Variants in MYH11 observed in about 807,000 individuals in gnomAD.
MYH11 encodes the protein myosin-11.
In MYH11, 80 loss-of-function variants were observed where a neutral mutation model predicts 246.6. That is an observed-to-expected ratio of 0.32 (90% CI 0.27 to 0.39). MYH11 has a LOEUF of 0.39. Among genes scored for constraint, MYH11 ranks in the 10% least tolerant of loss-of-function variants. The pLI is 1.00. For missense variants in MYH11, 2,158 were observed against 2,546.8 expected (o/e 0.85, Z 3.29); for synonymous variants, 1,071 against 1,015.5 (o/e 1.05, Z -1.04).
chr16:15,716,632 C>T (rs940766240), intron 38 of MYH11, among the ~76,000 whole-genome samples: 10 of 152,324 alleles, frequency 6.6e-5, no homozygotes, highest in African/African-American at 2.2e-4. Context: ...AGTGATTCTC[C>T]TGCCTCAGTC....
chr16:15,714,608 A>T, intron 40 of MYH11: 1 of 529,468 alleles, frequency 1.9e-6, no homozygotes, highest in East Asian at 3.3e-5. Context: ...GCAATGAAGG[A>T]GGGGCTGGAG....
rs557397345 is a variant in MYH11, at chr16:15,819,454, T to C, written c.502+3801A>G. 9.2e-5 allele frequency among the ~76,000 whole-genome samples: 14 copies of C among 152,284 alleles called. No homozygotes were observed. The South Asian group carries it at 2.9e-3, about 32-fold the overall frequency. ...CTATCACTCCAATTACTGCCTGAGC[T>C]CTGCTTCCTCTCAGATCAGAGGCGG... is the stretch of plus-strand genomic sequence containing the variant. On this transcript the variant is annotated intron_variant, in intron 3 of 40. Transcript: ENST00000300036.
intron 8 of MYH11, 137 bp from the exon 9 acceptor site, chr16:15,771,849 G>T (rs944770378): frequency 2.7e-6 from 3 of 1,108,382 alleles, no homozygotes; most frequent in Non-Finnish European, 4.0e-6. Context: ...AAGCCCTCAC[G>T]CATCGTCACG....
chr16:15,746,431 A>G (rs2041419905), intron 19 of MYH11, among the ~76,000 whole-genome samples: 1 of 152,190 alleles, frequency 6.6e-6, no homozygotes, highest in Non-Finnish European at 1.5e-5. Flanking sequence ...GGACAGCAAC[A>G]GGGAACTTAG....
At chr16:15,855,989 G>A (rs775407661) in intron 1 of MYH11, among the ~76,000 whole-genome samples, 24 of 152,084 alleles carry the variant, frequency 1.6e-4, no homozygotes, top group Non-Finnish European at 3.4e-4. Flanking sequence ...TTCTCAAGTG[G>A]CAAAATCCCT....
chr16:15,746,574 T>C (rs558404543), intron 19 of MYH11, among the ~76,000 whole-genome samples: 2 of 152,182 alleles, frequency 1.3e-5, no homozygotes, highest in South Asian at 4.2e-4. Context: ...GTGTGGTCTC[T>C]GCCCAATGAC....
chr16:15,855,193 G>A (rs1419892789), intron 1 of MYH11, among the ~76,000 whole-genome samples: 3 of 152,178 alleles, frequency 2.0e-5, no homozygotes, highest in East Asian at 1.9e-4. Flanking sequence ...CAAGCCTGGC[G>A]GCTTCTCGGA....
chr16:15,737,487 C>T lies in MYH11; in HGVS notation c.3255G>A (p.Leu1085=), dbSNP rs768298662. Residue 1085 remains leucine, a synonymous_variant, in exon 25 of 41, where the codon CTG becomes CTA. Coordinates refer to ENST00000300036, the MANE Select transcript of MYH11 (RefSeq NM_002474.3). The part of the protein sequence containing the change: ...QAQIAELKMQ[L]AKKEEELQAA... Reference sequence around the variant, plus strand: ...CCTGCAGCTCCTCCTCCTTCTTGGCCAGCTGCATCTTGAGCTCTGCGATCT... The same window carrying T: ...CCTGCAGCTCCTCCTCCTTCTTGGCTAGCTGCATCTTGAGCTCTGCGATCT... The T allele has an allele frequency of 8.1e-6, 13 of 1,613,716 alleles. No homozygotes were observed. In the Admixed American group the frequency reaches 8.3e-5, roughly 10 times the overall value.
chr16:15,767,987 A>G (rs1239067506), intron 9 of MYH11, among the ~76,000 whole-genome samples: 1 of 151,876 alleles, frequency 6.6e-6, no homozygotes, highest in Non-Finnish European at 1.5e-5. Context: ...TATGTTGCTC[A>G]GGCTGGTCTT....
At position 15,721,082 on chromosome 16, in the gene MYH11, G is replaced by A. The variant is rs1596719617; in HGVS notation, c.4579-31C>T. ...GGCAGAGCGGGCAGCCCCATTCTAT[G>A]AGGCTCAACTTCATGAAGACGATTG... On this transcript the variant is annotated intron_variant, in intron 32 of 40. Coordinates refer to ENST00000300036, the MANE Select transcript of MYH11 (RefSeq NM_002474.3). 10 of 1,610,000 alleles carry A rather than the reference G, an allele frequency of 6.2e-6. No individual in the cohort carries two copies. The South Asian group carries it at 8.8e-5, about 14-fold the overall frequency.
In MYH11 at chr16:15,732,589, G is replaced by A. The variant is rs777546897; in HGVS notation, c.3626C>T (p.Thr1209Ile). 1.2e-6 allele frequency: 2 copies of A among 1,614,250 alleles called. No individual in the cohort carries two copies. The highest frequency in any genetic ancestry group is 4.5e-5 in the East Asian group (2 of 44,890). The change falls in exon 27 of 41, where the codon ACA becomes ATA. Residue 1209 changes from threonine (T) to isoleucine (I), a missense_variant. Around this residue, in one of 11 missense-constraint regions of MYH11, gnomAD observed 1,013 missense variants for 993.5 expected, o/e 1.02. Transcript: ENST00000300036. ...CCTCTTGAACTGCTCAAGCTGCTCT[G>A]TGAGCTCCTCCACCGCCTGTGCGTG... ...QKHAQAVEELTEQLEQFKRAK... is the reference protein window; with the variant it reads ...QKHAQAVEELIEQLEQFKRAK...
At chr16:15,776,007 C>A (rs774820134) in intron 8 of MYH11, 71 bp downstream of exon 8, 6 of 1,146,414 alleles carry the variant, frequency 5.2e-6, no homozygotes, top group Non-Finnish European at 8.0e-6. Context: ...AATAGCCAAT[C>A]CCTTAACCCC....
intron 6 of MYH11, among the ~76,000 whole-genome samples, chr16:15,781,690 G>T (rs747023079): frequency 2.6e-5 from 4 of 152,152 alleles, no homozygotes; most frequent in Non-Finnish European, 4.4e-5. Flanking sequence ...GGGGGAGTGT[G>T]CATGGGAAGG....
Position 15,745,007 on chromosome 16 carries a change from C to T in MYH11, c.2520+122G>A, listed in dbSNP as rs1338481057. ...CCAGAGAACCGCCAATGCTCAAGGT[C>T]TGAGTTCGAGCCCTCCATTCCACAC... On this transcript the variant is annotated intron_variant, in intron 20 of 40. Transcript: ENST00000300036. The T allele has an allele frequency of 5.5e-5, 43 of 776,484 alleles. No homozygotes were observed. The East Asian group carries it at 1.1e-3, about 19-fold the overall frequency. The allele number at this position is 776,484 out of a possible 1,614,324, so 48.1% of individuals were successfully genotyped here.
chr16:15,733,371 T>C (rs2041022761), intron 26 of MYH11, among the ~76,000 whole-genome samples: 1 of 152,102 alleles, frequency 6.6e-6, no homozygotes, highest in African/African-American at 2.4e-5. Flanking sequence ...GTAGCTGGGA[T>C]TACAGGTGCC....
chr16:15,756,250 C>T (rs914007390), intron 14 of MYH11, 91 bp downstream of exon 14: 50 of 1,440,722 alleles, frequency 3.5e-5, no homozygotes, highest in Non-Finnish European at 4.8e-5. Flanking sequence ...TTCCAGGCAG[C>T]CCAAGGTTCT....
intron 36 of MYH11, 169 bp downstream of exon 36, chr16:15,719,051 C>G: frequency 1.5e-6 from 1 of 685,846 alleles, no homozygotes; most frequent in Non-Finnish European, 2.6e-6. Context: ...TTGCTTGAAC[C>G]TGGGAGGTGG....
intron 1 of MYH11, among the ~76,000 whole-genome samples, chr16:15,843,834 G>A (rs1470021097): frequency 6.6e-6 from 1 of 152,136 alleles, no homozygotes; most frequent in Non-Finnish European, 1.5e-5. Context: ...AGTAGGACTG[G>A]GATGGGGCCC....
intron 4 of MYH11, among the ~76,000 whole-genome samples, chr16:15,797,891 A>G (rs750118462): frequency 6.6e-6 from 1 of 151,674 alleles, no homozygotes; most frequent in African/African-American, 2.4e-5. Flanking sequence ...TTTGTTAGTT[A>G]TTTTGCAGTT....
Sources: gnomAD v4.1 joint callset for allele counts (sites outside exome capture counted in the v4.1 genomes callset) on GRCh38, gnomAD v4.1.1 for gene constraint, gnomAD v4.1.1 regional missense constraint, MANE v1.5 for transcripts, NCBI Gene and HGNC (gene_info 2026-07-23, HGNC 2026-07-21) for gene names.